The following ABHD2 variants were observed in gnomAD, a reference collection of about 807,000 sequenced individuals.
ABHD2 encodes the protein monoacylglycerol lipase ABHD2.
Under a neutral mutation model 48.1 loss-of-function variants are expected in ABHD2, and 20 were observed. The observed-to-expected ratio is 0.42, with a 90% CI of 0.29 to 0.60. ABHD2 has a LOEUF of 0.60. Among genes scored for constraint, ABHD2 ranks in the 20% least tolerant of loss-of-function variants. The probability of loss-of-function intolerance (pLI) is 0.24; values close to 1 mark genes in which losing one functional copy is unlikely to be tolerated. For missense variants in ABHD2, 405 were observed against 550.9 expected, an observed-to-expected ratio of 0.74 and a Z score of 2.65; for synonymous variants, 209 against 214.2, an observed-to-expected ratio of 0.98 and a Z score of 0.21.
Position 89,195,387 on chromosome 15 carries a change from C to T in ABHD2, c.1242C>T (p.Cys414=), listed in dbSNP as rs2150958409. 1.2e-6 allele frequency: 2 copies of T among 1,614,148 alleles called. No homozygotes were observed. Among genetic ancestry groups the T allele is most frequent in the Non-Finnish European group, 1.7e-6 (2 of 1,180,026 alleles). Residue 414 remains cysteine, a synonymous_variant, in exon 11 of 11, where the codon TGC becomes TGT. Transcript: ENST00000352732. The surrounding 1 kb of genome is among the most constrained non-coding windows in gnomAD (Gnocchi z 5.1). The stretch of plus-strand genomic sequence containing the variant: ...AATGGGAGCGTAACAAGTTGCAGTG[C>T]TCTGACACGGAGCAGGTGGAGGCCG... ...ICQWERNKLQ[C]SDTEQVEADL...
intron 3 of ABHD2, among the ~76,000 whole-genome samples, chr15:89,148,804 A>G (rs549334113): frequency 6.6e-6 from 1 of 152,360 alleles, no homozygotes; most frequent in South Asian, 2.1e-4. Context: ...TCGAACTACC[A>G]CATAGATAGA....
At chr15:89,103,611 C>T (rs935351207) in intron 1 of ABHD2, among the ~76,000 whole-genome samples, 1 of 152,160 alleles carries the variant, frequency 6.6e-6, no homozygotes, top group Non-Finnish European at 1.5e-5. Context: ...CAGAGCTGTA[C>T]AGCACAGAAT....
chr15:89,145,525 T>TG (rs1180260002), intron 3 of ABHD2, among the ~76,000 whole-genome samples: 3 of 152,040 alleles, frequency 2.0e-5, no homozygotes, highest in African/African-American at 7.2e-5. Flanking sequence ...ATGTGGGCCG[T>TG]GGGGTATCAG....
chr15:89,046,530 A>T, the ABHD2 span, among the ~76,000 whole-genome samples: 1 of 145,386 alleles, frequency 6.9e-6, no homozygotes, highest in Non-Finnish European at 1.5e-5. Context: ...CTGGTCCTGG[A>T]CTCTTTTTGG....
intron 5 of ABHD2, among the ~76,000 whole-genome samples, chr15:89,165,751 C>G (rs982140872): frequency 6.6e-6 from 1 of 152,152 alleles, no homozygotes; most frequent in Non-Finnish European, 1.5e-5. Context: ...AATCTTTAAT[C>G]GAGGCACTGC....
At chr15:89,078,725 C>CTTTTTTTTTTT in the ABHD2 span, among the ~76,000 whole-genome samples, 1 of 143,678 alleles carries the variant, frequency 7.0e-6, no homozygotes, top group Non-Finnish European at 1.5e-5. Context: ...ACAATGTAGG[C>CTTTTTTTTTTT]TTTTTTTTTT....
rs943463357 is a variant in ABHD2 at position 89,088,873 on chromosome 15, C to T, written c.-107+310C>T. Among the ~76,000 whole-genome samples, 10 of 152,338 alleles carry T rather than the reference C, an allele frequency of 6.6e-5. No individual in the cohort carries two copies. In the South Asian group the frequency reaches 2.1e-3, roughly 32 times the overall value. On this transcript the variant is annotated intron_variant, in intron 1 of 10. Transcript: ENST00000352732. This position sits in a 1 kb window ranked among gnomAD's most constrained non-coding sequence, Gnocchi z 6.8. Reference sequence around the variant, plus strand: ...CCATTGGTGCTCACTCCTGGGTCTTCAGGGGCCTGGGGAGGGGTCTGCCGG... The same window carrying T: ...CCATTGGTGCTCACTCCTGGGTCTTTAGGGGCCTGGGGAGGGGTCTGCCGG...
Position 89,173,194 on chromosome 15 carries a change from C to CA in ABHD2, c.539-2617dup, listed in dbSNP as rs757941694. On this transcript the variant is annotated intron_variant, in intron 5 of 10. Transcript: ENST00000352732. This position sits in a 1 kb window ranked among gnomAD's most constrained non-coding sequence, Gnocchi z 6.5. ...CATTGTGCTCTCAGCTGTTTGTTTG[C>CA]ACATCCCCTTTTTTATATCACAGCT... is the stretch of plus-strand genomic sequence containing the variant. Among the ~76,000 whole-genome samples, 49 of 152,186 alleles carry CA rather than the reference C, an allele frequency of 3.2e-4. No individual in the cohort carries two copies. Among genetic ancestry groups the CA allele is most frequent in the Non-Finnish European group, 5.7e-4 (39 of 68,046 alleles).
At chr15:89,111,437 T>G (rs905683643) in intron 1 of ABHD2, among the ~76,000 whole-genome samples, 1 of 152,230 alleles carries the variant, frequency 6.6e-6, no homozygotes, top group Admixed American at 6.5e-5. Flanking sequence ...ATAGGCAGTC[T>G]AGATCTGATA....
intron 3 of ABHD2, among the ~76,000 whole-genome samples, chr15:89,150,379 T>A (rs550496153): frequency 5.9e-5 from 9 of 152,330 alleles, no homozygotes; most frequent in African/African-American, 2.2e-4. Flanking sequence ...TTTATAAGCT[T>A]GCTTTTTGTT....
chr15:89,187,348 A>T (rs1216773355), intron 7 of ABHD2, among the ~76,000 whole-genome samples: 2 of 152,270 alleles, frequency 1.3e-5, no homozygotes, highest in Non-Finnish European at 2.9e-5. Context: ...GAATTTGTAC[A>T]TTCTATCCAG....
chr15:89,185,430 G>A lies in ABHD2; in HGVS notation c.729G>A (p.Gln243=). Residue 243 remains glutamine, a synonymous_variant, in exon 7 of 11, where the codon CAG becomes CAA. Coordinates refer to ENST00000352732, the MANE Select transcript of ABHD2 (RefSeq NM_152924.5). This position sits in a 1 kb window ranked among gnomAD's most constrained non-coding sequence, Gnocchi z 5.9. The part of the protein sequence containing the change: ...VCQGYSALRA[Q]ETFMQWDQCR... ...CTCGCTGTGGTTCTTCCAGGGCCCA[G>A]GAAACCTTCATGCAATGGGATCAGT... 6.2e-7 allele frequency: 1 copy of A among 1,614,122 alleles called. No individual in the cohort carries two copies. Among genetic ancestry groups the A allele is most frequent in the Non-Finnish European group, 8.5e-7 (1 of 1,179,986 alleles).
intron 3 of ABHD2, among the ~76,000 whole-genome samples, chr15:89,131,987 G>T (rs370956168): frequency 1.3e-5 from 2 of 152,150 alleles, no homozygotes; most frequent in South Asian, 2.1e-4. Context: ...TCTCTCAGGG[G>T]CAGGAGTCAG....
upstream of ABHD2, among the ~76,000 whole-genome samples, chr15:89,085,127 TCCTGCAGAGGC>T (rs1901330920): frequency 6.6e-6 from 1 of 152,138 alleles, no homozygotes; most frequent in Non-Finnish European, 1.5e-5. The surrounding 1 kb of genome is among the most constrained non-coding windows in gnomAD (Gnocchi z 4.2). Context: ...GGTTAGTAAA[TCCTGCAGAGGC>T]CCCAGTTGAG....
In ABHD2 at chr15:89,193,243, T is replaced by C; in HGVS notation, c.1005T>C (p.Val335=). ...SCMRYLHRIY[V]PLMLVNAADD... ...TTATGTTCTTGTTGCAGATTTATGT[T>C]CCTCTCATGCTGGTTAATGCAGCTG... is the stretch of plus-strand genomic sequence containing the variant. The change falls in exon 10 of 11, where the codon GTT becomes GTC. Residue 335 remains valine (V), a synonymous_variant. Coordinates refer to ENST00000352732, the MANE Select transcript of ABHD2 (RefSeq NM_152924.5). 1 of 1,614,192 alleles carries C rather than the reference T, an allele frequency of 6.2e-7. No homozygotes were observed. Among genetic ancestry groups the C allele is most frequent in the Non-Finnish European group, 8.5e-7 (1 of 1,180,008 alleles).
chr15:89,123,752 C>G (rs1207253174), intron 3 of ABHD2, among the ~76,000 whole-genome samples: 1 of 151,948 alleles, frequency 6.6e-6, no homozygotes, highest in African/African-American at 2.4e-5. Flanking sequence ...TCCACACCAC[C>G]ATGGCTGGCT....
the ABHD2 span, among the ~76,000 whole-genome samples, chr15:89,067,391 C>A: frequency 2.6e-5 from 4 of 152,300 alleles, no homozygotes; most frequent in South Asian, 4.1e-4. Context: ...AAGTTACAAT[C>A]GATCTAATAG....
At position 89,176,024 on chromosome 15, in the gene ABHD2, C is replaced by T. The variant is rs745850083; in HGVS notation, c.722+29C>T. ...AGTCATCTCCGCCTTCCATCAGGGCCTTCAGTTAGCCCTTATTTATAGAGA... is the reference window on the plus strand; with the variant it reads ...AGTCATCTCCGCCTTCCATCAGGGCTTTCAGTTAGCCCTTATTTATAGAGA... On this transcript the variant is annotated intron_variant, in intron 6 of 10. Coordinates refer to ENST00000352732, the MANE Select transcript of ABHD2 (RefSeq NM_152924.5). This position sits in a 1 kb window ranked among gnomAD's most constrained non-coding sequence, Gnocchi z 4.5. The T allele has an allele frequency of 3.8e-6, 6 of 1,565,554 alleles. No individual in the cohort carries two copies. The highest frequency in any genetic ancestry group is 1.2e-5 in the South Asian group (1 of 85,570).
chr15:89,138,991 G>A (rs1398289215), intron 3 of ABHD2, among the ~76,000 whole-genome samples: 1 of 151,092 alleles, frequency 6.6e-6, no homozygotes. Context: ...TGAGGTGGGA[G>A]GATTGCTTGA....
Sources: allele counts gnomAD v4.1 joint callset (sites outside exome capture counted in the v4.1 genomes callset), GRCh38; gene constraint gnomAD v4.1.1; non-coding constraint Gnocchi (gnomAD v3.1); transcripts MANE v1.5; gene names NCBI Gene and HGNC (gene_info 2026-07-23, HGNC 2026-07-21).